The following KAZN variants were observed in gnomAD, a reference collection of about 807,000 sequenced individuals.
KAZN encodes the protein kazrin.
Under a neutral mutation model 87.4 loss-of-function variants are expected in KAZN, and 40 were observed. That is an observed-to-expected ratio of 0.46 (90% CI 0.36 to 0.60). The LOEUF is 0.60. Ranked by LOEUF, KAZN falls within the 20% of genes least tolerant of loss-of-function variation. The pLI is 0.00. For missense variants in KAZN, 898 were observed against 1,073.9 expected (o/e 0.84, Z 2.29); for synonymous variants, 466 against 458.3 (o/e 1.02, Z -0.22).
intron 8 of KAZN, among the ~76,000 whole-genome samples, chr1:15,083,454 G>T (rs868320410): frequency 2.0e-5 from 3 of 152,100 alleles, no homozygotes; most frequent in Non-Finnish European, 4.4e-5. Context: ...CTTCCATCCC[G>T]CCTTTCCATG....
At chr1:14,900,740 C>A (rs1410019956) in intron 1 of KAZN, among the ~76,000 whole-genome samples, 1 of 115,934 alleles carries the variant, frequency 8.6e-6, no homozygotes, top group Non-Finnish European at 1.8e-5. Flanking sequence ...GGCGACAGAG[C>A]AAGACTCCAT....
At chr1:14,125,094 C>G (rs1052041973) in intron 1 of KAZN, among the ~76,000 whole-genome samples, 1 of 152,136 alleles carries the variant, frequency 6.6e-6, no homozygotes, top group East Asian at 1.9e-4. Flanking sequence ...GGTGCCAAAA[C>G]TGGAAGGCAG....
chr1:14,569,041 C>T (rs1255980077), intron 2 of KAZN, among the ~76,000 whole-genome samples: 2 of 152,160 alleles, frequency 1.3e-5, no homozygotes, highest in African/African-American at 2.4e-5. Context: ...CTGAAAATAT[C>T]CCACAAAAAA....
At chr1:13,972,917 G>C (rs1298969034) in intron 1 of KAZN, among the ~76,000 whole-genome samples, 1 of 152,192 alleles carries the variant, frequency 6.6e-6, no homozygotes, top group Non-Finnish European at 1.5e-5. Flanking sequence ...TTAGAATCTG[G>C]ATATAAGGAC....
At chr1:14,676,480 C>T (rs1222217698) in intron 1 of KAZN, among the ~76,000 whole-genome samples, 4 of 152,148 alleles carry the variant, frequency 2.6e-5, no homozygotes, top group African/African-American at 9.7e-5. Context: ...TTGCTCTGTC[C>T]TCCTGCAGGG....
At chr1:14,847,843 C>T (rs1406576763) in intron 1 of KAZN, among the ~76,000 whole-genome samples, 6 of 152,052 alleles carry the variant, frequency 3.9e-5, no homozygotes, top group East Asian at 1.9e-4. Context: ...ATTAGCCAGG[C>T]GTGATGGCCA....
chr1:14,454,899 G>A (rs759858930), intron 2 of KAZN, among the ~76,000 whole-genome samples: 25 of 152,154 alleles, frequency 1.6e-4, no homozygotes, highest in Non-Finnish European at 2.4e-4. Context: ...TCTGGGTGTG[G>A]CTCAATGGGA....
intron 1 of KAZN, among the ~76,000 whole-genome samples, chr1:13,911,151 C>T (rs1448326044): frequency 6.6e-6 from 1 of 152,192 alleles, no homozygotes; most frequent in East Asian, 1.9e-4. Context: ...CGGGTTCAAG[C>T]AATTCTTCTG....
At chr1:14,676,131 C>T (rs945275007) in intron 1 of KAZN, among the ~76,000 whole-genome samples, 14 of 151,988 alleles carry the variant, frequency 9.2e-5, no homozygotes, top group South Asian at 2.1e-4. Flanking sequence ...GTTTTTTTTC[C>T]GGTTTGAAAG....
intron 8 of KAZN, among the ~76,000 whole-genome samples, chr1:15,084,263 A>G (rs928022603): frequency 6.6e-6 from 1 of 152,208 alleles, no homozygotes; most frequent in East Asian, 1.9e-4. Context: ...GACCTCGGCA[A>G]TCACTTTGTG....
chr1:14,224,017 A>G (rs1222690014), intron 2 of KAZN, among the ~76,000 whole-genome samples: 1 of 152,170 alleles, frequency 6.6e-6, no homozygotes, highest in Non-Finnish European at 1.5e-5. Context: ...TAGCTTCCTA[A>G]AATAAGACCT....
intron 1 of KAZN, among the ~76,000 whole-genome samples, chr1:14,916,602 A>T (rs1411598744): frequency 6.6e-6 from 1 of 152,194 alleles, no homozygotes; most frequent in East Asian, 1.9e-4. Context: ...GGACTTTATT[A>T]TTTTGTTACA....
chr1:14,958,159 C>T (rs1006680976), intron 1 of KAZN, among the ~76,000 whole-genome samples: 6 of 152,202 alleles, frequency 3.9e-5, no homozygotes, highest in African/African-American at 1.4e-4. Flanking sequence ...CCAGTGGATC[C>T]CTAGTAGTCC....
intron 1 of KAZN, among the ~76,000 whole-genome samples, chr1:14,741,913 C>A (rs968107268): frequency 6.6e-6 from 1 of 152,134 alleles, no homozygotes; most frequent in East Asian, 1.9e-4. Flanking sequence ...TTCTGTTAAC[C>A]AATTCAATGT....
intron 1 of KAZN, among the ~76,000 whole-genome samples, chr1:14,117,730 T>A (rs140346465): frequency 5.8e-4 from 88 of 152,264 alleles, no homozygotes; most frequent in Non-Finnish European, 1.2e-3. Context: ...GCCTCTCTGA[T>A]CTTCTATATC....
At chr1:15,098,369 C>T (rs1640889541) in intron 10 of KAZN, among the ~76,000 whole-genome samples, 1 of 152,204 alleles carries the variant, frequency 6.6e-6, no homozygotes, top group African/African-American at 2.4e-5. Context: ...CCCATGGGGA[C>T]ACCCTTAATG....
At chr1:14,426,843 A>T (rs918790224) in intron 2 of KAZN, among the ~76,000 whole-genome samples, 1 of 151,752 alleles carries the variant, frequency 6.6e-6, no homozygotes, top group African/African-American at 2.4e-5. Flanking sequence ...ACCAACCCTG[A>T]CTTCAGGGAC....
intron 2 of KAZN, among the ~76,000 whole-genome samples, chr1:14,189,497 T>G (rs1216139355): frequency 6.6e-6 from 1 of 152,168 alleles, no homozygotes; most frequent in African/African-American, 2.4e-5. Flanking sequence ...TGGGTAATTC[T>G]GCTAATACGG....
intron 1 of KAZN, among the ~76,000 whole-genome samples, chr1:13,991,605 T>C (rs758239804): frequency 1.3e-5 from 2 of 152,164 alleles, no homozygotes; most frequent in African/African-American, 4.8e-5. Flanking sequence ...ATTCATTTCA[T>C]TGGAAGTTTA....
Sources: allele counts gnomAD v4.1 joint callset (sites outside exome capture counted in the v4.1 genomes callset), GRCh38; gene constraint gnomAD v4.1.1; transcripts MANE v1.5; gene names NCBI Gene and HGNC (gene_info 2026-07-23, HGNC 2026-07-21).